Variants in TAFA2 observed in about 807,000 individuals in gnomAD.
The protein encoded by TAFA2 is TAFA chemokine like family member 2, also known as chemokine-like protein TAFA-2.
In TAFA2, 7 loss-of-function variants were observed where a neutral mutation model predicts 18.8. The observed-to-expected ratio is 0.37, with a 90% CI of 0.21 to 0.70. The LOEUF is 0.70. TAFA2 is among the 30% of genes least tolerant of loss of function. TAFA2 has a pLI of 0.53. For synonymous variants in TAFA2, 60 were observed against 54.2 expected (o/e 1.11, Z -0.47); for missense variants, 122 against 158.1 (o/e 0.77, Z 1.23).
At chr12:61,742,390 A>C (rs1868496452) in intron 4 of TAFA2, among the ~76,000 whole-genome samples, 1 of 152,126 alleles carries the variant, frequency 6.6e-6, no homozygotes, top group South Asian at 2.1e-4. Flanking sequence ...ATTCAGAAAG[A>C]GACATAAAGC....
At chr12:61,744,968 T>C (rs1428735440) in intron 4 of TAFA2, among the ~76,000 whole-genome samples, 1 of 152,076 alleles carries the variant, frequency 6.6e-6, no homozygotes, top group Non-Finnish European at 1.5e-5. Flanking sequence ...TTTGTCCAAA[T>C]CTCTTTAAAA....
chr12:61,879,601 A>T lies in TAFA2; in HGVS notation c.-1-12175T>A, dbSNP rs897287237. The T allele has an allele frequency of 5.0e-5, 39 of 774,974 alleles. No homozygotes were observed. In the South Asian group the frequency reaches 5.1e-4, roughly 10 times the overall value. 48.0% of individuals were successfully genotyped at this position (774,974 alleles called of 1,614,324 possible). A position where few individuals can be genotyped will look rare whatever the true frequency, so the allele number is the denominator to read the frequency against. ...CAGGTTCTGCACACCCAGGAGAAGG[A>T]GCAGATCAAGACATTCAAAACAAGT... On this transcript the variant is annotated intron_variant, in intron 1 of 4. Coordinates refer to ENST00000416284, the MANE Select transcript of TAFA2 (RefSeq NM_178539.5).
Position 61,777,390 on chromosome 12 carries a change from A to G in TAFA2, c.107-22366T>C, listed in dbSNP as rs1000640405. ...ACACTGTTTCTGGCATGTTGACAGT[A>G]CTCAGTGATAACTGGCTATTATTAT... On this transcript the variant is annotated intron_variant, in intron 2 of 4. Transcript: ENST00000416284. Among the ~76,000 whole-genome samples the G allele has an allele frequency of 4.0e-5, 6 of 151,846 alleles. 1 individual carries two copies. The East Asian group carries it at 1.2e-3, about 30-fold the overall frequency.
At chr12:61,868,425 T>C (rs1055019701) in intron 1 of TAFA2, among the ~76,000 whole-genome samples, 1 of 152,200 alleles carries the variant, frequency 6.6e-6, no homozygotes, top group Non-Finnish European at 1.5e-5. Context: ...TCTGTCACCC[T>C]GTGACTTTCC....
rs537067139 is a variant in TAFA2 at position 61,988,771 on chromosome 12, C to A, written c.-1-121345G>T. Among the ~76,000 whole-genome samples, 6 of 152,278 alleles carry A rather than the reference C, an allele frequency of 3.9e-5. No individual in the cohort carries two copies. In the South Asian group the frequency reaches 1.2e-3, roughly 32 times the overall value. On this transcript the variant is annotated intron_variant, in intron 1 of 4. Coordinates refer to ENST00000416284, the MANE Select transcript of TAFA2 (RefSeq NM_178539.5). ...CTCCAGTACCCCTGCAAACATACTT[C>A]AGCAGGAGGCTGTCTGTGCAAGCTT... is the stretch of plus-strand genomic sequence containing the variant.
At chr12:62,217,770 C>T (rs189698475) in intron 1 of TAFA2, among the ~76,000 whole-genome samples, 2 of 152,150 alleles carry the variant, frequency 1.3e-5, no homozygotes, top group African/African-American at 4.8e-5. Context: ...AGATATCGAT[C>T]CCAAGGACAT....
chr12:61,981,446 A>C (rs1879632235), intron 1 of TAFA2, among the ~76,000 whole-genome samples: 1 of 152,226 alleles, frequency 6.6e-6, no homozygotes, highest in South Asian at 2.1e-4. Context: ...AGTGAAAACC[A>C]AAATAGACAA....
At chr12:62,016,897 C>T (rs760483457) in intron 1 of TAFA2, among the ~76,000 whole-genome samples, 2 of 152,168 alleles carry the variant, frequency 1.3e-5, no homozygotes, top group Non-Finnish European at 2.9e-5. Context: ...TTCTGCCATA[C>T]ATGTAGAGCA....
intron 2 of TAFA2, among the ~76,000 whole-genome samples, chr12:61,860,973 C>T (rs1423532469): frequency 2.6e-5 from 4 of 152,158 alleles, no homozygotes; most frequent in African/African-American, 7.2e-5. Flanking sequence ...TTTTCTTTGA[C>T]AGAGTCTCCC....
intron 1 of TAFA2, among the ~76,000 whole-genome samples, chr12:62,037,929 A>G (rs1881652984): frequency 6.6e-6 from 1 of 152,212 alleles, no homozygotes. Flanking sequence ...CACTCAATAA[A>G]TTTTAGAAAA....
intron 2 of TAFA2, among the ~76,000 whole-genome samples, chr12:61,807,238 C>A (rs965104682): frequency 6.6e-6 from 1 of 151,352 alleles, no homozygotes; most frequent in Non-Finnish European, 1.5e-5. Context: ...GCTGCTCCAG[C>A]CGTGGCTGAA....
At chr12:62,139,251 A>G (rs2062221540) in intron 1 of TAFA2, among the ~76,000 whole-genome samples, 1 of 152,198 alleles carries the variant, frequency 6.6e-6, no homozygotes. Context: ...CAGTATTATA[A>G]TTACTTGTGC....
At chr12:62,024,370 T>TA (rs1881247186) in intron 1 of TAFA2, among the ~76,000 whole-genome samples, 1 of 152,172 alleles carries the variant, frequency 6.6e-6, no homozygotes, top group African/African-American at 2.4e-5. Flanking sequence ...TACCTTCTTC[T>TA]AAAATGATTT....
At chr12:61,869,663 A>G (rs1179917183) in intron 1 of TAFA2, among the ~76,000 whole-genome samples, 1 of 152,182 alleles carries the variant, frequency 6.6e-6, no homozygotes, top group African/African-American at 2.4e-5. Flanking sequence ...TGTCCTCAGG[A>G]AGCCTCTTAG....
intron 1 of TAFA2, among the ~76,000 whole-genome samples, chr12:62,038,162 G>T (rs1359525461): frequency 1.3e-5 from 2 of 152,112 alleles, no homozygotes; most frequent in Non-Finnish European, 2.9e-5. Flanking sequence ...GGATTAACAA[G>T]TCTTGAGATT....
At chr12:62,166,105 A>G (rs942952440) in intron 1 of TAFA2, among the ~76,000 whole-genome samples, 6 of 152,006 alleles carry the variant, frequency 3.9e-5, no homozygotes, top group African/African-American at 9.7e-5. Flanking sequence ...CATCCACGAG[A>G]GTGGTTCCTT....
chr12:62,225,105 TA>T lies in TAFA2; in HGVS notation c.-130+33657del, dbSNP rs538270790. ...TGAGACTCCGTCTCATAAAAAAATT[TA>T]AAAAAAAAAGTTGGTGGGGATGGTG... On this transcript the variant is annotated intron_variant, in intron 1 of 5. Coordinates refer to the TAFA2 transcript ENST00000551619. Among the ~76,000 whole-genome samples, 748 of 149,112 alleles carry T rather than the reference TA, an allele frequency of 5.0e-3. 5 individuals are homozygous for T. Among genetic ancestry groups the T allele is most frequent in the South Asian group, 0.012 (56 of 4,740 alleles).
chr12:62,060,825 T>C (rs1882328011), intron 1 of TAFA2, among the ~76,000 whole-genome samples: 1 of 152,018 alleles, frequency 6.6e-6, no homozygotes, highest in Non-Finnish European at 1.5e-5. Context: ...AAGTAAAAAA[T>C]GTATTTAAAA....
At chr12:61,930,709 C>A (rs1235320550) in intron 1 of TAFA2, among the ~76,000 whole-genome samples, 1 of 152,226 alleles carries the variant, frequency 6.6e-6, no homozygotes, top group Non-Finnish European at 1.5e-5. Context: ...ACTTCCACGC[C>A]AGATTCATGT....
Sources: gnomAD v4.1 joint callset for allele counts (sites outside exome capture counted in the v4.1 genomes callset) on GRCh38, gnomAD v4.1.1 for gene constraint, MANE v1.5 for transcripts, NCBI Gene and HGNC (gene_info 2026-07-23, HGNC 2026-07-21) for gene names.